The following GC variants were observed in gnomAD, a reference collection of about 807,000 sequenced individuals.
The protein encoded by GC is vitamin D-binding protein.
A neutral mutation model predicts 56.7 loss-of-function variants in GC; 43 were observed. That is an observed-to-expected ratio of 0.76 (90% CI 0.59 to 0.98). GC has a LOEUF of 0.98. Ranked by LOEUF, GC falls within the 50% of genes least tolerant of loss-of-function variation. The pLI, the probability that GC is intolerant of heterozygous loss-of-function variation, is 0.00. For missense variants in GC, 529 were observed against 545.9 expected, an observed-to-expected ratio of 0.97 and a Z score of 0.31; for synonymous variants, 216 against 202.7, an observed-to-expected ratio of 1.07 and a Z score of -0.56.
chr4:71,753,322 G>A (rs1360561491), intron 10 of GC, among the ~76,000 whole-genome samples: 1 of 152,102 alleles, frequency 6.6e-6, no homozygotes, highest in Non-Finnish European at 1.5e-5. Context: ...GCAATGGGAG[G>A]TAAGGAGACT....
intron 9 of GC, 89 bp from the exon 10 acceptor site, chr4:71,754,597 T>C: frequency 1.3e-6 from 1 of 743,830 alleles, no homozygotes; most frequent in Non-Finnish European, 2.3e-6. Context: ...AAATATTGTA[T>C]CATTAAGCAT....
chr4:71,757,788 G>T (rs2149297392), intron 7 of GC, among the ~76,000 whole-genome samples: 1 of 152,264 alleles, frequency 6.6e-6, no homozygotes, highest in Admixed American at 6.5e-5. Context: ...TAAGGTCTTG[G>T]AAATCAGATA....
intron 1 of GC, among the ~76,000 whole-genome samples, chr4:71,798,432 T>G (rs539261570): frequency 8.5e-5 from 13 of 152,204 alleles, no homozygotes; most frequent in Non-Finnish European, 1.9e-4. Flanking sequence ...GTTAAAGATA[T>G]ATTACAAAGA....
upstream of GC, among the ~76,000 whole-genome samples, chr4:71,804,680 T>C (rs555355252): frequency 4.4e-4 from 67 of 152,300 alleles, no homozygotes; most frequent in African/African-American, 1.4e-3. Context: ...TTTTCTCTAA[T>C]GCTTTTCCTT....
At chr4:71,802,651 C>T (rs1455064715) in intron 1 of GC, among the ~76,000 whole-genome samples, 1 of 152,182 alleles carries the variant, frequency 6.6e-6, no homozygotes, top group Non-Finnish European at 1.5e-5. Flanking sequence ...ACCACTTGTA[C>T]TATCAAGTTC....
intron 3 of GC, among the ~76,000 whole-genome samples, chr4:71,766,505 A>G (rs1258345036): frequency 1.3e-5 from 2 of 152,232 alleles, no homozygotes; most frequent in Admixed American, 6.5e-5. Flanking sequence ...AGGAAAAAAG[A>G]ATAGAAATAG....
intron 1 of GC, among the ~76,000 whole-genome samples, chr4:71,797,931 C>T (rs1364855146): frequency 6.6e-6 from 1 of 152,176 alleles, no homozygotes; most frequent in African/African-American, 2.4e-5. Flanking sequence ...CTTTCCTGCC[C>T]TGTTCTCACT....
At chr4:71,746,996 A>G (rs918400208) in intron 11 of GC, among the ~76,000 whole-genome samples, 3 of 152,066 alleles carry the variant, frequency 2.0e-5, no homozygotes, top group Non-Finnish European at 4.4e-5. Flanking sequence ...AGAATGTAGA[A>G]GAATGTGGGT....
rs116828763 is a variant in GC, at chr4:71,796,116, G to T, written c.21+7810C>A. 1.6e-3 allele frequency among the ~76,000 whole-genome samples: 247 copies of T among 151,966 alleles called. 3 individuals carry two copies. The highest frequency in any genetic ancestry group is 0.01 in the Middle Eastern group (3 of 294). ...TTTTTCCTTTATTTCAACCTTGGTG[G>T]ATCTGATCTGACAATTATGTTGCTT... is the stretch of plus-strand genomic sequence containing the variant. On this transcript the variant is annotated intron_variant, in intron 1 of 13. Transcript: ENST00000504199.
At chr4:71,772,112 G>C (rs1197922781) in intron 1 of GC, among the ~76,000 whole-genome samples, 1 of 152,084 alleles carries the variant, frequency 6.6e-6, no homozygotes, top group Non-Finnish European at 1.5e-5. Flanking sequence ...CCTGAATTTA[G>C]TACAATGTAT....
intron 4 of GC, among the ~76,000 whole-genome samples, chr4:71,764,761 T>C (rs1742104672): frequency 6.6e-6 from 1 of 152,202 alleles, no homozygotes; most frequent in Non-Finnish European, 1.5e-5. Context: ...CTACTAATTT[T>C]TACAATTTGT....
At position 71,755,057 on chromosome 4, in the gene GC, C is replaced by A. The variant is rs757717977; in HGVS notation, c.1085G>T (p.Ser362Ile). ...RRTHLPEVFL[S>I]KVLEPTLKSL... ...TTTTAGGGTTGGCTCAAGTACCTTA[C>A]TGAGGAATACTTCCGGAAGATGAGT... is the stretch of plus-strand genomic sequence containing the variant. The change falls in exon 9 of 13, where the codon AGT (serine) becomes ATT (isoleucine). Residue 362 changes from serine to isoleucine, a missense_variant. Coordinates refer to ENST00000273951, the MANE Select transcript of GC (RefSeq NM_000583.4). The A allele has an allele frequency of 1.3e-6, 2 of 1,593,570 alleles. No individual in the cohort carries two copies. The highest frequency in any genetic ancestry group is 1.7e-6 in the Non-Finnish European group (2 of 1,166,392).
chr4:71,784,898 A>G (rs1481387377), upstream of GC, among the ~76,000 whole-genome samples: 1 of 151,706 alleles, frequency 6.6e-6, no homozygotes, highest in Admixed American at 6.6e-5. Context: ...TTCATTTTAC[A>G]GAAGAGTGAA....
chr4:71,750,250 A>G (rs1440548460), intron 11 of GC, among the ~76,000 whole-genome samples: 2 of 152,204 alleles, frequency 1.3e-5, no homozygotes, highest in Non-Finnish European at 2.9e-5. Context: ...GAAATTACAA[A>G]GGGAATATCA....
intron 3 of GC, among the ~76,000 whole-genome samples, chr4:71,766,695 A>G (rs1459085138): frequency 6.6e-6 from 1 of 152,136 alleles, no homozygotes; most frequent in Non-Finnish European, 1.5e-5. Flanking sequence ...CTTCCGTACC[A>G]TCCTTTCATC....
At chr4:71,758,484 T>C (rs1396453744) in intron 6 of GC, among the ~76,000 whole-genome samples, 2 of 152,184 alleles carry the variant, frequency 1.3e-5, no homozygotes, top group African/African-American at 4.8e-5. Flanking sequence ...AAATGTCTCT[T>C]TCTATTCATA....
chr4:71,794,282 G>A (rs1393651172), intron 1 of GC, among the ~76,000 whole-genome samples: 1 of 152,128 alleles, frequency 6.6e-6, no homozygotes, highest in Non-Finnish European at 1.5e-5. Flanking sequence ...AATCTGTCTG[G>A]TCCTGGACTT....
intron 11 of GC, among the ~76,000 whole-genome samples, chr4:71,746,719 A>ATAGCAAG (rs1281856750): frequency 6.8e-6 from 1 of 146,288 alleles, no homozygotes; most frequent in African/African-American, 2.5e-5. Context: ...ACAAGTCATG[A>ATAGCAAG]TAGCAAGTCA....
At chr4:71,787,546 T>G (rs1466561972), upstream of GC, among the ~76,000 whole-genome samples, 2 of 151,920 alleles carry the variant, frequency 1.3e-5, no homozygotes, top group Non-Finnish European at 2.9e-5. Context: ...CTTCCCCTCA[T>G]GGACCTTCTT....
Sources: gnomAD v4.1 joint callset for allele counts (sites outside exome capture counted in the v4.1 genomes callset) on GRCh38, gnomAD v4.1.1 for gene constraint, MANE v1.5 for transcripts, NCBI Gene and HGNC (gene_info 2026-07-23, HGNC 2026-07-21) for gene names.